The following VIL1 variants were observed in gnomAD, a reference collection of about 807,000 sequenced individuals.
The protein encoded by VIL1 is villin 1.
Under a neutral mutation model 104.0 loss-of-function variants are expected in VIL1, and 86 were observed. That is an observed-to-expected ratio of 0.83 (90% CI 0.69 to 0.99). The LOEUF is 0.99. VIL1 is among the 50% of genes least tolerant of loss of function. VIL1 has a pLI of 0.00. For missense variants in VIL1, 944 were observed against 1,054.1 expected, an observed-to-expected ratio of 0.90 and a Z score of 1.45; for synonymous variants, 394 against 412.6, an observed-to-expected ratio of 0.95 and a Z score of 0.55.
rs554745465 is a variant in VIL1, at chr2:218,447,987, T to C, written c.2371-1236T>C. Among the ~76,000 whole-genome samples, 19 of 152,128 alleles carry C rather than the reference T, an allele frequency of 1.2e-4. 1 individual carries two copies. In the South Asian group the frequency reaches 3.3e-3, roughly 27 times the overall value. The stretch of plus-strand genomic sequence containing the variant: ...TTTAAGAAATGTTTCTGGCTGGGGG[T>C]GGTGGCTCATGCTTATAATCCCAGC... On this transcript the variant is annotated intron_variant, in intron 19 of 19. Transcript: ENST00000248444.
At position 218,451,546 on chromosome 2, in the gene VIL1, A is replaced by AAG. The variant is rs1689478846; in HGVS notation, c.*2210_*2211insAG. The AAG allele has an allele frequency of 7.0e-6, 1 of 143,280 alleles. No homozygotes were observed. The highest frequency in any genetic ancestry group is 2.6e-5 in the African/African-American group (1 of 38,254). 8.9% of individuals were successfully genotyped at this position (143,280 alleles called of 1,614,324 possible). A position where few individuals can be genotyped will look rare whatever the true frequency, so the allele number is the denominator to read the frequency against. On this transcript the variant is annotated 3_prime_UTR_variant, in exon 20 of 20. Coordinates refer to ENST00000248444, the MANE Select transcript of VIL1 (RefSeq NM_007127.3). Reference sequence around the variant, plus strand: ...TACAAACTACTTTTTTTTCTCTTTAATTTAGGTGTTTGCAGATAATTTTCA... The same window carrying AAG: ...TACAAACTACTTTTTTTTCTCTTTAAAGTTTAGGTGTTTGCAGATAATTTTCA...
At chr2:218,438,559 C>T in intron 17 of VIL1, 99 bp from the exon 18 acceptor site, 1 of 1,151,766 alleles carries the variant, frequency 8.7e-7, no homozygotes, top group African/African-American at 1.5e-5. Context: ...TACCACTAGG[C>T]CCCAGACCAG....
chr2:218,424,454 C>A, intron 3 of VIL1, 103 bp downstream of exon 3: 3 of 1,246,948 alleles, frequency 2.4e-6, no homozygotes, highest in Non-Finnish European at 3.4e-6. Context: ...CCTGGCTTCA[C>A]CCCAAGACAC....
chr2:218,430,959 C>T, intron 10 of VIL1, 81 bp downstream of exon 10: 2 of 1,530,970 alleles, frequency 1.3e-6, no homozygotes, highest in Non-Finnish European at 1.8e-6. Flanking sequence ...CACCCACCCT[C>T]CTTCCCTGAC....
At chr2:218,439,816 C>CA (rs35708356) in intron 18 of VIL1, among the ~76,000 whole-genome samples, 8,860 of 48,632 alleles carry the variant, frequency 0.18, 1,079 homozygotes, top group African/African-American at 0.38. Flanking sequence ...GACCCTGTCT[C>CA]AAAAAAAAAA....
chr2:218,440,734 C>T lies in VIL1; in HGVS notation c.2242C>T (p.Pro748Ser). The T allele has an allele frequency of 6.2e-7, 1 of 1,614,034 alleles. No homozygotes were observed. Among genetic ancestry groups the T allele is most frequent in the South Asian group, 1.1e-5 (1 of 91,070 alleles). Residue 748 changes from proline to serine, a missense_variant, in exon 19 of 20, where the codon CCC becomes TCC. By Grantham distance (74) the Pro-to-Ser change is moderately conservative. Transcript: ENST00000248444. The stretch of plus-strand genomic sequence containing the variant: ...TTTTCTTTCCTAGGAGGTCACAAGC[C>T]CCAAAGTGGACGTGTTCAATGCTAA... ...WSQITAEVTS[P>S]KVDVFNANSN...
At chr2:218,426,724 C>A (rs1689008452) in intron 4 of VIL1, among the ~76,000 whole-genome samples, 1 of 152,210 alleles carries the variant, frequency 6.6e-6, no homozygotes, top group African/African-American at 2.4e-5. Flanking sequence ...GCCTCAGCCT[C>A]CCCAGCAGCT....
rs1559147916 is a variant in VIL1, at chr2:218,432,781, GCT to G, written c.1342-10_1342-9del. ...GACCCAATCCCACTCACTCCCTCCTGCTCATCCCCAGGGCAGCCAGGCCAGCC... is the reference window on the plus strand; with the variant it reads ...GACCCAATCCCACTCACTCCCTCCTGCATCCCCAGGGCAGCCAGGCCAGCC... On this transcript the variant is annotated splice_polypyrimidine_tract_variant and intron_variant, in intron 12 of 19. Coordinates refer to ENST00000248444, the MANE Select transcript of VIL1 (RefSeq NM_007127.3). 6.2e-7 allele frequency: 1 copy of G among 1,613,832 alleles called. No individual in the cohort carries two copies. The highest frequency in any genetic ancestry group is 1.7e-5 in the Admixed American group (1 of 59,986).
In VIL1 at chr2:218,449,492, C is replaced by T. The variant is rs1049827093; in HGVS notation, c.*156C>T. The T allele has an allele frequency of 3.4e-6, 2 of 581,600 alleles. No individual in the cohort carries two copies. Among genetic ancestry groups the T allele is most frequent in the East Asian group, 3.0e-5 (1 of 33,638 alleles). 36.0% of individuals were successfully genotyped at this position (581,600 alleles called of 1,614,324 possible). ...AATGCCAGTTTTGTTTAATAATGTA[C>T]CTATTCCTTCAGAAAGATGATACCC... On this transcript the variant is annotated 3_prime_UTR_variant, in exon 20 of 20. Coordinates refer to ENST00000248444, the MANE Select transcript of VIL1 (RefSeq NM_007127.3).
At chr2:218,436,784 A>T (rs949337220) in intron 16 of VIL1, among the ~76,000 whole-genome samples, 158 bp downstream of exon 16, 1 of 152,162 alleles carries the variant, frequency 6.6e-6, no homozygotes, top group Middle Eastern at 3.2e-3. Flanking sequence ...AGAAAGAAGG[A>T]AGGTGGGGAG....
In VIL1 at chr2:218,429,977, A is replaced by C. The variant is rs1559146993; in HGVS notation, c.948+30A>C. 13 of 1,568,938 alleles carry C rather than the reference A, an allele frequency of 8.3e-6. No individual in the cohort carries two copies. The Admixed American group carries it at 2.2e-4, about 27-fold the overall frequency. On this transcript the variant is annotated intron_variant, in intron 9 of 19. Coordinates refer to ENST00000248444, the MANE Select transcript of VIL1 (RefSeq NM_007127.3). Reference sequence around the variant, plus strand: ...TGGTGGGGGCGGGGGAGGGTCCAGGAGGAGGGCAGAGTGATGGGAGGGAGA... The same window carrying C: ...TGGTGGGGGCGGGGGAGGGTCCAGGCGGAGGGCAGAGTGATGGGAGGGAGA...
chr2:218,433,995 G>A (rs1191575491), intron 13 of VIL1, among the ~76,000 whole-genome samples: 9 of 151,966 alleles, frequency 5.9e-5, no homozygotes, highest in Non-Finnish European at 1.0e-4. Context: ...TTGGGAGTTC[G>A]AGACCAGCCT....
chr2:218,429,973 C>T, intron 9 of VIL1, 26 bp downstream of exon 9: 1 of 1,578,302 alleles, frequency 6.3e-7, no homozygotes. Flanking sequence ...GGGGAGGGTC[C>T]AGGAGGAGGG....
At chr2:218,428,407 C>T (rs1268484902) in intron 6 of VIL1, 70 bp downstream of exon 6, 8 of 1,348,468 alleles carry the variant, frequency 5.9e-6, no homozygotes, top group South Asian at 4.7e-5. Flanking sequence ...TTTCCCCAGG[C>T]CTCTCCCCGC....
chr2:218,432,523 A>G, intron 12 of VIL1: 1 of 699,952 alleles, frequency 1.4e-6, no homozygotes, highest in Non-Finnish European at 2.6e-6. Context: ...AAGGAGCAGA[A>G]AGGAAAGGAG....
rs1370443862 is a variant in VIL1 at position 218,425,717 on chromosome 2, A to T, written c.253A>T (p.Met85Leu). 8.1e-6 allele frequency: 13 copies of T among 1,614,152 alleles called. No homozygotes were observed. The highest frequency in any genetic ancestry group is 1.1e-5 in the Non-Finnish European group (13 of 1,180,022). The change falls in exon 4 of 20, where the codon ATG (methionine) becomes TTG (leucine). Residue 85 changes from methionine (M) to leucine (L), a missense_variant. By Grantham distance (15) the Met-to-Leu change is conservative. Transcript: ENST00000248444. ...GGCAGCTGCCATCTACACCACACAG[A>T]TGGATGACTTCCTGAAGGGCCGGGC... Reference protein sequence around the residue: ...QGAAAIYTTQMDDFLKGRAVQ... With the variant: ...QGAAAIYTTQLDDFLKGRAVQ...
intron 13 of VIL1, 55 bp from the exon 14 acceptor site, chr2:218,434,468 ATCT>A (rs1210388647): frequency 4.6e-6 from 7 of 1,527,710 alleles, no homozygotes; most frequent in South Asian, 3.7e-5. Context: ...GTTCCCCATC[ATCT>A]TCTTTACTAA....
intron 17 of VIL1, among the ~76,000 whole-genome samples, chr2:218,437,756 C>T (rs1277586434): frequency 6.6e-6 from 1 of 152,182 alleles, no homozygotes; most frequent in Admixed American, 6.5e-5. Context: ...TGACAAATGT[C>T]TTCCTGGTGC....
intron 19 of VIL1, among the ~76,000 whole-genome samples, 200 bp from the exon 20 acceptor site, chr2:218,449,023 G>A (rs1262133306): frequency 6.6e-6 from 1 of 151,682 alleles, no homozygotes; most frequent in Non-Finnish European, 1.5e-5. Flanking sequence ...AAAAAATCAG[G>A]GATAAACCTC....
Sources: allele counts gnomAD v4.1 joint callset (sites outside exome capture counted in the v4.1 genomes callset), GRCh38; gene constraint gnomAD v4.1.1; transcripts MANE v1.5; gene names NCBI Gene and HGNC (gene_info 2026-07-23, HGNC 2026-07-21).